The following PPFIBP2 variants were observed in gnomAD, a reference collection of about 807,000 sequenced individuals.
PPFIBP2 encodes the protein PPFIB scaffold protein 2, also known as liprin-beta-2.
PPFIBP2 carries 118 observed loss-of-function variants against 118.3 expected under a neutral mutation model. The ratio of observed to expected loss-of-function variants is 1.00; its 90% confidence interval spans 0.86 to 1.16. PPFIBP2 has a LOEUF of 1.16. Among genes scored for constraint, PPFIBP2 ranks in the 50% most tolerant of loss-of-function variants. The pLI is 0.00. For synonymous variants in PPFIBP2, 414 were observed against 397.4 expected, an observed-to-expected ratio of 1.04 and a Z score of -0.50; for missense variants, 1,195 against 1,073.1, an observed-to-expected ratio of 1.11 and a Z score of -1.59.
At chr11:7,558,239 G>A (rs149797761) in intron 2 of PPFIBP2, among the ~76,000 whole-genome samples, 253 of 152,310 alleles carry the variant, frequency 1.7e-3, no homozygotes, top group Middle Eastern at 3.4e-3. Context: ...CCAGAAGTCA[G>A]GGCAGGTGGA....
chr11:7,539,718 G>C (rs1481492793), intron 1 of PPFIBP2, among the ~76,000 whole-genome samples: 1 of 152,208 alleles, frequency 6.6e-6, no homozygotes, highest in Non-Finnish European at 1.5e-5. Flanking sequence ...TCTGGGGGAT[G>C]GATGGGAGAG....
intron 3 of PPFIBP2, among the ~76,000 whole-genome samples, chr11:7,591,430 C>T (rs940873209): frequency 6.7e-6 from 1 of 149,914 alleles, no homozygotes; most frequent in Non-Finnish European, 1.5e-5. Context: ...AGTTCTTTGA[C>T]AGAGAAGAAG....
downstream of PPFIBP2, among the ~76,000 whole-genome samples, chr11:7,661,030 TTCTC>T (rs1179517676): frequency 5.3e-5 from 8 of 152,166 alleles, no homozygotes; most frequent in South Asian, 2.1e-4. Context: ...TATTTGATTC[TTCTC>T]TCTTTTTTTC....
At chr11:7,570,095 T>TG (rs140389906) in intron 3 of PPFIBP2, among the ~76,000 whole-genome samples, 2,105 of 152,166 alleles carry the variant, frequency 0.014, 76 homozygotes, top group African/African-American at 0.048. Flanking sequence ...GTGCCTTGAG[T>TG]GGGGCTTTCC....
At chr11:7,528,259 A>G (rs1457082647) in intron 1 of PPFIBP2, among the ~76,000 whole-genome samples, 1 of 152,196 alleles carries the variant, frequency 6.6e-6, no homozygotes, top group African/African-American at 2.4e-5. Context: ...GTCACAAAGC[A>G]TATCTGAGTT....
chr11:7,666,114 T>C, the PPFIBP2 span: 8 of 620,622 alleles, frequency 1.3e-5, no homozygotes, highest in African/African-American at 1.5e-4. Flanking sequence ...GGGTGAGTGG[T>C]GAAGGGGTCA....
At chr11:7,525,923 A>G (rs1850190112) in intron 1 of PPFIBP2, among the ~76,000 whole-genome samples, 1 of 152,144 alleles carries the variant, frequency 6.6e-6, no homozygotes, top group Admixed American at 6.5e-5. Context: ...AATGACTGCT[A>G]TTTTCAGGTG....
At position 7,639,830 on chromosome 11, in the gene PPFIBP2, C is replaced by T. The variant is rs756163472; in HGVS notation, c.1335C>T (p.Ile445=). 2.5e-6 allele frequency: 4 copies of T among 1,614,216 alleles called. No individual in the cohort carries two copies. The highest frequency in any genetic ancestry group is 3.4e-6 in the Non-Finnish European group (4 of 1,180,038). The part of the protein sequence containing the change: ...NGEAAKSPPT[I]CQPDATGSSL... ...AGGCTGCCAAATCTCCTCCCACCAT[C>T]TGCCAGCCTGACGCCACGGGGAGCA... Residue 445 remains isoleucine, a synonymous_variant, in exon 15 of 24, where the codon ATC becomes ATT. Coordinates refer to ENST00000299492, the MANE Select transcript of PPFIBP2 (RefSeq NM_003621.5).
At chr11:7,605,841 A>G (rs1258807329) in intron 5 of PPFIBP2, 10 of 1,385,102 alleles carry the variant, frequency 7.2e-6, no homozygotes, top group Non-Finnish European at 8.4e-6. Flanking sequence ...CAAAGCAAAC[A>G]CATTCTGGAT....
intron 2 of PPFIBP2, among the ~76,000 whole-genome samples, chr11:7,559,920 T>G (rs938795860): frequency 2.0e-5 from 3 of 152,206 alleles, no homozygotes; most frequent in Admixed American, 1.3e-4. Context: ...TGGCTCCATG[T>G]TAAAAAATAA....
chr11:7,661,306 C>T (rs1482212054), downstream of PPFIBP2, among the ~76,000 whole-genome samples: 2 of 149,310 alleles, frequency 1.3e-5, no homozygotes, highest in Non-Finnish European at 3.0e-5. Context: ...TTTCCCTCTA[C>T]ACACTGCTTT....
intron 5 of PPFIBP2, among the ~76,000 whole-genome samples, chr11:7,604,602 C>A (rs185834200): frequency 2.1e-4 from 32 of 152,012 alleles, no homozygotes; most frequent in African/African-American, 4.1e-4. Flanking sequence ...ACACACACAC[C>A]CCCACACCCA....
chr11:7,561,116 G>A (rs575151251), intron 2 of PPFIBP2, among the ~76,000 whole-genome samples: 229 of 152,320 alleles, frequency 1.5e-3, no homozygotes, highest in African/African-American at 4.9e-3. Context: ...TGCCCAGGCT[G>A]GAGTGCAATG....
chr11:7,597,762 T>C, intron 5 of PPFIBP2, 89 bp downstream of exon 5: 2 of 1,091,530 alleles, frequency 1.8e-6, no homozygotes, highest in South Asian at 2.7e-5. Flanking sequence ...GCCCTCGCTG[T>C]CTGCTTTCCC....
At chr11:7,561,048 GT>G (rs1158737565) in intron 2 of PPFIBP2, among the ~76,000 whole-genome samples, 17 of 151,446 alleles carry the variant, frequency 1.1e-4, no homozygotes, top group African/African-American at 3.6e-4. Flanking sequence ...CTGAGCTTTT[GT>G]TGTAATTGAT....
At chr11:7,641,703 C>A in intron 16 of PPFIBP2, 83 bp downstream of exon 16, 1 of 1,330,630 alleles carries the variant, frequency 7.5e-7, no homozygotes, top group South Asian at 1.4e-5. Flanking sequence ...AGCCCCTGGT[C>A]CAATAGACAC....
In PPFIBP2 at chr11:7,650,288, C is replaced by T. The variant is rs145306498; in HGVS notation, c.2122-552C>T. Among the ~76,000 whole-genome samples, 44 of 152,314 alleles carry T rather than the reference C, an allele frequency of 2.9e-4. No homozygotes were observed. The East Asian group carries it at 5.4e-3, about 19-fold the overall frequency. ...TAACCTTGCTGTAAAATTAACTCAGCTTCCTGGGCTGCTACCTTTGCTGTC... is the reference window on the plus strand; with the variant it reads ...TAACCTTGCTGTAAAATTAACTCAGTTTCCTGGGCTGCTACCTTTGCTGTC... On this transcript the variant is annotated intron_variant, in intron 21 of 23. Transcript: ENST00000299492.
intron 2 of PPFIBP2, among the ~76,000 whole-genome samples, chr11:7,553,231 T>TA (rs948089356): frequency 3.3e-4 from 50 of 151,716 alleles, no homozygotes; most frequent in African/African-American, 1.1e-3. Context: ...TTATTATTAT[T>TA]TTTTTTGAAG....
At chr11:7,648,562 A>G (rs1333406038) in intron 18 of PPFIBP2, 25 bp downstream of exon 18, 9 of 1,610,658 alleles carry the variant, frequency 5.6e-6, no homozygotes, top group Admixed American at 3.3e-5. Context: ...TGGGGAGAGG[A>G]GGCTCCCATT....
Sources: allele counts gnomAD v4.1 joint callset (sites outside exome capture counted in the v4.1 genomes callset), GRCh38; gene constraint gnomAD v4.1.1; transcripts MANE v1.5; gene names NCBI Gene and HGNC (gene_info 2026-07-23, HGNC 2026-07-21).